The following EBF1 variants were observed in gnomAD, a reference collection of about 807,000 sequenced individuals.
EBF1 encodes transcription factor COE1.
A neutral mutation model predicts 68.4 loss-of-function variants in EBF1; 10 were observed. That is an observed-to-expected ratio of 0.15 (90% CI 0.09 to 0.25). The LOEUF (loss-of-function observed/expected upper bound fraction) is 0.25, where lower values mean the gene tolerates loss of function less well. EBF1 is among the 10% of genes least tolerant of loss of function. The pLI is 1.00. For missense variants in EBF1, 509 were observed against 794.4 expected (o/e 0.64, Z 4.32); for synonymous variants, 298 against 299.8 (o/e 0.99, Z 0.06).
chr5:158,909,764 C>T (rs1805492322), intron 6 of EBF1, among the ~76,000 whole-genome samples: 1 of 151,938 alleles, frequency 6.6e-6, no homozygotes, highest in Non-Finnish European at 1.5e-5. Context: ...TAGTAAAACC[C>T]TGTCTCTACT....
chr5:159,010,659 A>C (rs919658652), intron 6 of EBF1, among the ~76,000 whole-genome samples: 13 of 152,248 alleles, frequency 8.5e-5, no homozygotes, highest in African/African-American at 3.1e-4. Flanking sequence ...GTCACACTAC[A>C]TTCAAGATGG....
At chr5:158,715,150 C>A (rs1760367347) in intron 11 of EBF1, among the ~76,000 whole-genome samples, 1 of 152,158 alleles carries the variant, frequency 6.6e-6, no homozygotes, top group Non-Finnish European at 1.5e-5. Context: ...TGTCAGAGAA[C>A]CAAACGTAAG....
chr5:158,713,693 A>T (rs1759987066), intron 12 of EBF1, among the ~76,000 whole-genome samples: 1 of 152,220 alleles, frequency 6.6e-6, no homozygotes, highest in Admixed American at 6.5e-5. Flanking sequence ...TCAGTTTCCT[A>T]AGCTATGTGA....
At chr5:158,828,527 A>G (rs1446698191) in intron 7 of EBF1, among the ~76,000 whole-genome samples, 2 of 152,216 alleles carry the variant, frequency 1.3e-5, no homozygotes, top group Non-Finnish European at 2.9e-5. Context: ...ACAAAGCTAG[A>G]CACATGATAC....
At chr5:158,739,444 C>A (rs1021144525) in intron 10 of EBF1, among the ~76,000 whole-genome samples, 1 of 152,164 alleles carries the variant, frequency 6.6e-6, no homozygotes, top group African/African-American at 2.4e-5. Context: ...TTTGATCCAA[C>A]TTTAAAACTA....
intron 6 of EBF1, among the ~76,000 whole-genome samples, chr5:158,866,765 G>A (rs1010837973): frequency 6.7e-6 from 1 of 148,720 alleles, no homozygotes; most frequent in African/African-American, 2.5e-5. Flanking sequence ...AATGATGGAA[G>A]ATGATTTCTT....
At chr5:159,005,101 T>A (rs1168386211) in intron 6 of EBF1, among the ~76,000 whole-genome samples, 2 of 152,212 alleles carry the variant, frequency 1.3e-5, no homozygotes. Context: ...TTCTGGAATC[T>A]GCCGGGGCTA....
intron 6 of EBF1, among the ~76,000 whole-genome samples, chr5:158,984,078 T>C (rs537630081): frequency 7.9e-5 from 12 of 152,326 alleles, no homozygotes; most frequent in African/African-American, 2.6e-4. Flanking sequence ...TTCCAAATCA[T>C]ACCTGGAATC....
At chr5:158,812,740 C>T (rs577382589) in intron 8 of EBF1, among the ~76,000 whole-genome samples, 11 of 152,242 alleles carry the variant, frequency 7.2e-5, no homozygotes, top group Admixed American at 2.0e-4. Context: ...TGCTCAGTGT[C>T]CAGCTGGTTC....
chr5:159,039,466 A>G (rs1245915233), intron 6 of EBF1, among the ~76,000 whole-genome samples: 1 of 152,224 alleles, frequency 6.6e-6, no homozygotes, highest in Non-Finnish European at 1.5e-5. Flanking sequence ...TGCATGCATT[A>G]CATTTCCCTA....
At chr5:159,040,850 C>A (rs1171988431) in intron 6 of EBF1, among the ~76,000 whole-genome samples, 1 of 152,176 alleles carries the variant, frequency 6.6e-6, no homozygotes. Flanking sequence ...TGCTGGTAAG[C>A]ACATAGCTTT....
intron 6 of EBF1, among the ~76,000 whole-genome samples, chr5:158,938,279 G>A (rs1321155187): frequency 6.6e-6 from 1 of 152,158 alleles, no homozygotes; most frequent in Non-Finnish European, 1.5e-5. Flanking sequence ...TTTCTGACAT[G>A]AACCCTAGTG....
At chr5:158,833,903 C>A (rs1357856146) in intron 7 of EBF1, among the ~76,000 whole-genome samples, 2 of 152,222 alleles carry the variant, frequency 1.3e-5, no homozygotes, top group African/African-American at 4.8e-5. Flanking sequence ...ATGATAGACT[C>A]ACCACTTAGC....
At chr5:158,778,208 AT>A (rs1320474436) in intron 9 of EBF1, among the ~76,000 whole-genome samples, 2 of 152,166 alleles carry the variant, frequency 1.3e-5, no homozygotes, top group Non-Finnish European at 2.9e-5. Context: ...GAGAAAGTTC[AT>A]TTCTGAACTC....
At chr5:159,096,036 T>C (rs1782546735) in intron 3 of EBF1, among the ~76,000 whole-genome samples, 1 of 152,220 alleles carries the variant, frequency 6.6e-6, no homozygotes, top group Non-Finnish European at 1.5e-5. Flanking sequence ...CAAGGGGCCA[T>C]GGGCCTGCAG....
intron 6 of EBF1, among the ~76,000 whole-genome samples, chr5:159,039,099 C>T (rs1770680083): frequency 6.6e-6 from 1 of 152,208 alleles, no homozygotes; most frequent in Non-Finnish European, 1.5e-5. Context: ...AACCCCAAAA[C>T]CAAAACAAAG....
intron 6 of EBF1, among the ~76,000 whole-genome samples, chr5:158,887,596 G>T (rs976389585): frequency 3.9e-5 from 6 of 152,168 alleles, no homozygotes; most frequent in African/African-American, 1.4e-4. Flanking sequence ...TATACATTTT[G>T]CCAGACAATT....
At chr5:159,051,596 G>A (rs1175187300) in intron 6 of EBF1, among the ~76,000 whole-genome samples, 3 of 151,662 alleles carry the variant, frequency 2.0e-5, no homozygotes, top group Admixed American at 1.3e-4. Context: ...GGCCCGGCTC[G>A]GTGCTCCGCT....
chr5:158,930,109 T>C (rs1242726015), intron 6 of EBF1, among the ~76,000 whole-genome samples: 2 of 152,200 alleles, frequency 1.3e-5, no homozygotes, highest in Non-Finnish European at 2.9e-5. Context: ...TTCATTACCA[T>C]AAGCATTGTA....
Sources: gnomAD v4.1 joint callset for allele counts (sites outside exome capture counted in the v4.1 genomes callset) on GRCh38, gnomAD v4.1.1 for gene constraint, MANE v1.5 for transcripts, NCBI Gene and HGNC (gene_info 2026-07-23, HGNC 2026-07-21) for gene names.